The following GBF1 variants were observed in gnomAD, a reference collection of about 807,000 sequenced individuals.
The protein encoded by GBF1 is golgi brefeldin A resistant guanine nucleotide exchange factor 1.
A neutral mutation model predicts 210.5 loss-of-function variants in GBF1; 114 were observed. The observed-to-expected ratio is 0.54, with a 90% CI of 0.47 to 0.63. The LOEUF is 0.63. Among genes scored for constraint, GBF1 ranks in the 30% least tolerant of loss-of-function variants. The probability of loss-of-function intolerance (pLI) is 0.00; values close to 1 mark genes in which losing one functional copy is unlikely to be tolerated. For missense variants in GBF1, 1,851 were observed against 2,357.7 expected, an observed-to-expected ratio of 0.79 and a Z score of 4.45; for synonymous variants, 850 against 889.2, an observed-to-expected ratio of 0.96 and a Z score of 0.78.
chr10:102,376,025 C>T (rs2060475888), intron 30 of GBF1, among the ~76,000 whole-genome samples: 1 of 151,900 alleles, frequency 6.6e-6, no homozygotes, highest in African/African-American at 2.4e-5. Flanking sequence ...TTGTCCTTGC[C>T]ACCACTCCCT....
chr10:102,257,100 GT>G (rs1334568363), intron 1 of GBF1, among the ~76,000 whole-genome samples: 1 of 152,160 alleles, frequency 6.6e-6, no homozygotes, highest in Non-Finnish European at 1.5e-5. Flanking sequence ...ATTGCACCCT[GT>G]TTTCACAGCA....
intron 3 of GBF1, among the ~76,000 whole-genome samples, chr10:102,316,678 C>T (rs1335651879): frequency 1.3e-5 from 2 of 152,196 alleles, no homozygotes; most frequent in African/African-American, 2.4e-5. Context: ...ATTTCCAGTC[C>T]TATCCTTTTA....
chr10:102,286,724 C>T (rs2075985343), intron 3 of GBF1, among the ~76,000 whole-genome samples: 1 of 152,112 alleles, frequency 6.6e-6, no homozygotes, highest in African/African-American at 2.4e-5. Context: ...ATTCAGTGAG[C>T]ATCAGTTATT....
chr10:102,374,629 T>A (rs1370908256), intron 29 of GBF1, among the ~76,000 whole-genome samples: 1 of 152,122 alleles, frequency 6.6e-6, no homozygotes. Context: ...GTGGTGGAAC[T>A]GTTCAGTATG....
intron 10 of GBF1, among the ~76,000 whole-genome samples, 181 bp downstream of exon 10, chr10:102,358,910 C>G (rs2059437909): frequency 6.6e-6 from 1 of 152,290 alleles, no homozygotes; most frequent in South Asian, 2.1e-4. Context: ...GCATGACTCA[C>G]TGTGAGAGAT....
At chr10:102,380,913 C>T (rs1007976282) in intron 38 of GBF1, among the ~76,000 whole-genome samples, 4 of 151,988 alleles carry the variant, frequency 2.6e-5, no homozygotes, top group Non-Finnish European at 5.9e-5. Flanking sequence ...GAGGCTGAAA[C>T]AGGAGAATCA....
chr10:102,233,595 TGCCCA>T, the GBF1 span, among the ~76,000 whole-genome samples: 1 of 152,166 alleles, frequency 6.6e-6, no homozygotes, highest in Non-Finnish European at 1.5e-5. Context: ...TGAGCCACCA[TGCCCA>T]GCCTGTTTTG....
At chr10:102,315,880 A>C (rs1435017992) in intron 3 of GBF1, among the ~76,000 whole-genome samples, 3 of 152,144 alleles carry the variant, frequency 2.0e-5, no homozygotes, top group Non-Finnish European at 4.4e-5. Context: ...TAGCAATTCC[A>C]TAAACCAGAA....
intron 30 of GBF1, 21 bp from the exon 31 acceptor site, chr10:102,376,251 C>T: frequency 6.2e-7 from 1 of 1,609,568 alleles, no homozygotes; most frequent in Non-Finnish European, 8.5e-7. Context: ...CTGACTCTGC[C>T]CTTCTCCCTG....
intron 36 of GBF1, 68 bp downstream of exon 36, chr10:102,380,022 G>A (rs2060744698): frequency 9.1e-7 from 1 of 1,093,580 alleles, no homozygotes; most frequent in Non-Finnish European, 1.4e-6. Flanking sequence ...GGAAGCCAGG[G>A]CTTCTGGCAG....
chr10:102,333,582 A>C (rs751068649), intron 3 of GBF1, among the ~76,000 whole-genome samples: 1 of 151,742 alleles, frequency 6.6e-6, no homozygotes, highest in Non-Finnish European at 1.5e-5. Flanking sequence ...ACAGGTGCGC[A>C]TGCCTGGCTA....
intron 33 of GBF1, among the ~76,000 whole-genome samples, chr10:102,378,228 AAAAG>A (rs1287738640): frequency 4.6e-5 from 7 of 152,016 alleles, no homozygotes; most frequent in African/African-American, 9.6e-5. Flanking sequence ...AAAAAAAAAA[AAAAG>A]AAAGAAAAGA....
chr10:102,332,892 C>G (rs1589669439), intron 3 of GBF1, among the ~76,000 whole-genome samples: 1 of 152,180 alleles, frequency 6.6e-6, no homozygotes. Flanking sequence ...TAAAAAGAAG[C>G]AGATCTGAGA....
rs1414305784 is a variant in GBF1, at chr10:102,271,034, A to T, written c.163+10918A>T. 4.0e-5 allele frequency among the ~76,000 whole-genome samples: 6 copies of T among 150,124 alleles called. No individual in the cohort carries two copies. In the South Asian group the frequency reaches 1.3e-3, roughly 32 times the overall value. On this transcript the variant is annotated intron_variant, in intron 3 of 39. Coordinates refer to ENST00000369983, the MANE Select transcript of GBF1 (RefSeq NM_001377137.1). The stretch of plus-strand genomic sequence containing the variant: ...CTAATTTTTTATTTTATTTTATTTT[A>T]TTATTATTATTATTATTTTTTGAGA...
intron 3 of GBF1, among the ~76,000 whole-genome samples, chr10:102,281,282 C>A (rs1425816850): frequency 6.6e-6 from 1 of 152,100 alleles, no homozygotes; most frequent in Non-Finnish European, 1.5e-5. Context: ...ACATGAGGCA[C>A]CAGCTGGCAG....
rs554311645 is a variant in GBF1, at chr10:102,274,218, G to A, written c.163+14102G>A. On this transcript the variant is annotated intron_variant, in intron 3 of 39. Coordinates refer to ENST00000369983, the MANE Select transcript of GBF1 (RefSeq NM_001377137.1). Reference sequence around the variant, plus strand: ...ACAACTGGGCACTAGTTTGAAGTCTGCCAGTTTCCACACGTGACCTCAGGA... The same window carrying A: ...ACAACTGGGCACTAGTTTGAAGTCTACCAGTTTCCACACGTGACCTCAGGA... Among the ~76,000 whole-genome samples the A allele has an allele frequency of 1.2e-4, 19 of 152,292 alleles. 1 individual carries two copies. The South Asian group carries it at 3.9e-3, about 32-fold the overall frequency.
chr10:102,231,447 C>G, the GBF1 span: 1 of 627,142 alleles, frequency 1.6e-6, no homozygotes, highest in East Asian at 2.8e-5. Context: ...CAAGAGACCG[C>G]GTGGGGCTGC....
At chr10:102,231,013 A>T in the GBF1 span, 3 of 1,597,612 alleles carry the variant, frequency 1.9e-6, no homozygotes, top group Non-Finnish European at 2.6e-6. Context: ...CAGCCCCCCG[A>T]GCGGCGCCGC....
intron 3 of GBF1, among the ~76,000 whole-genome samples, chr10:102,283,482 A>C (rs1311655920): frequency 3.9e-5 from 6 of 152,222 alleles, no homozygotes; most frequent in Admixed American, 3.3e-4. Flanking sequence ...GGATTAGGAC[A>C]GGGGAGAAAG....
Sources: allele counts gnomAD v4.1 joint callset (sites outside exome capture counted in the v4.1 genomes callset), GRCh38; gene constraint gnomAD v4.1.1; transcripts MANE v1.5; gene names NCBI Gene and HGNC (gene_info 2026-07-23, HGNC 2026-07-21).